Variants in CCDC85A observed in about 807,000 individuals in gnomAD.
CCDC85A encodes coiled-coil domain-containing protein 85A.
A neutral mutation model predicts 50.2 loss-of-function variants in CCDC85A; 38 were observed. That is an observed-to-expected ratio of 0.76 (90% CI 0.58 to 0.99). CCDC85A has a LOEUF of 0.99. Among genes scored for constraint, CCDC85A ranks in the 50% least tolerant of loss-of-function variants. The pLI, the probability that CCDC85A is intolerant of heterozygous loss-of-function variation, is 0.00. For synonymous variants in CCDC85A, 366 were observed against 301.4 expected, an observed-to-expected ratio of 1.21 and a Z score of -2.22; for missense variants, 820 against 742.0, an observed-to-expected ratio of 1.11 and a Z score of -1.22.
intron 1 of CCDC85A, among the ~76,000 whole-genome samples, chr2:56,188,362 A>G (rs1374010731): frequency 6.6e-6 from 1 of 152,068 alleles, no homozygotes; most frequent in African/African-American, 2.4e-5. Context: ...GTGGGCCAAT[A>G]CTCACTCCTA....
chr2:56,346,585 G>A (rs761506433), intron 3 of CCDC85A, among the ~76,000 whole-genome samples: 2 of 152,180 alleles, frequency 1.3e-5, no homozygotes, highest in Non-Finnish European at 2.9e-5. Context: ...TCACTGAGCA[G>A]TATTTTAAAC....
Position 56,372,405 on chromosome 2 carries a change from G to T in CCDC85A, c.1379G>T (p.Gly460Val). The T allele has an allele frequency of 6.2e-7, 1 of 1,605,224 alleles. No homozygotes were observed. Among genetic ancestry groups the T allele is most frequent in the Non-Finnish European group, 8.5e-7 (1 of 1,175,714 alleles). ...AGCTCAAATATGGAGAAAGGCTGGG[G>T]GTCCAGAGCCCGGCGGGTCTTGCAG... ...RNSSNMEKGW[G>V]SRARRVLQWW... Residue 460 changes from glycine (G) to valine (V), a missense_variant, in exon 4 of 6, where the codon GGG (glycine) becomes GTG (valine). By Grantham distance (109) the Gly-to-Val change is moderately radical (BLOSUM62 -3). Coordinates refer to ENST00000407595, the MANE Select transcript of CCDC85A (RefSeq NM_001080433.2).
intron 2 of CCDC85A, among the ~76,000 whole-genome samples, chr2:56,230,074 C>T (rs1000473529): frequency 6.6e-6 from 1 of 152,130 alleles, no homozygotes; most frequent in Non-Finnish European, 1.5e-5. Context: ...CAGGGGGCAA[C>T]TCATTGTCAG....
chr2:56,184,176 C>T lies in CCDC85A; in HGVS notation c.-449C>T, dbSNP rs1675886367. 2 of 987,190 alleles carry T rather than the reference C, an allele frequency of 2.0e-6. No homozygotes were observed. Among genetic ancestry groups the T allele is most frequent in the African/African-American group, 3.5e-5 (2 of 57,442 alleles). 61.2% of individuals were successfully genotyped at this position (987,190 alleles called of 1,614,324 possible). A position where few individuals can be genotyped will look rare whatever the true frequency, so the allele number is the denominator to read the frequency against. ...GCTAGGAGAGGGGAGAAGCCGGGGG[C>T]TGCAGCTGGGCAAGGGGGAGGAAAG... On this transcript the variant is annotated 5_prime_UTR_variant, in exon 1 of 6. Coordinates refer to ENST00000407595, the MANE Select transcript of CCDC85A (RefSeq NM_001080433.2).
chr2:56,323,726 G>C (rs569727814), intron 2 of CCDC85A, among the ~76,000 whole-genome samples: 20 of 152,174 alleles, frequency 1.3e-4, no homozygotes, highest in African/African-American at 3.4e-4. Flanking sequence ...GGATTGAGGA[G>C]CTGTAGCTTC....
intron 3 of CCDC85A, among the ~76,000 whole-genome samples, chr2:56,352,740 A>T (rs1486474839): frequency 2.6e-5 from 4 of 152,226 alleles, no homozygotes; most frequent in Non-Finnish European, 4.4e-5. Flanking sequence ...CATAGCAGTG[A>T]CTTTGGACTC....
Position 56,210,438 on chromosome 2 carries a change from C to A in CCDC85A, c.1240+16998C>A, listed in dbSNP as rs73940624. On this transcript the variant is annotated intron_variant, in intron 2 of 5. Coordinates refer to ENST00000407595, the MANE Select transcript of CCDC85A (RefSeq NM_001080433.2). Reference sequence around the variant, plus strand: ...GGTTTTCTATTGCCATGTGACAAACCACCTCAACACTTAGTGTTGTGAAAC... The same window carrying A: ...GGTTTTCTATTGCCATGTGACAAACAACCTCAACACTTAGTGTTGTGAAAC... 4.5e-3 allele frequency among the ~76,000 whole-genome samples: 684 copies of A among 152,094 alleles called. 6 individuals carry two copies. The highest frequency in any genetic ancestry group is 0.016 in the African/African-American group (663 of 41,520).
At chr2:56,256,338 A>G (rs1669984974) in intron 2 of CCDC85A, among the ~76,000 whole-genome samples, 4 of 152,188 alleles carry the variant, frequency 2.6e-5, no homozygotes. Context: ...AGGATGGTGT[A>G]TGAGAATTAA....
intron 2 of CCDC85A, among the ~76,000 whole-genome samples, chr2:56,227,131 C>T (rs17268688): frequency 0.02 from 3,015 of 152,148 alleles, 51 homozygotes; most frequent in South Asian, 0.047. Flanking sequence ...TTCTGAAATC[C>T]GAGAACCAAT....
chr2:56,328,981 G>A (rs1480676416), intron 2 of CCDC85A, among the ~76,000 whole-genome samples: 3 of 151,980 alleles, frequency 2.0e-5, no homozygotes, highest in Non-Finnish European at 4.4e-5. Flanking sequence ...CACCACATCC[G>A]CCCTTCCTCA....
At chr2:56,228,765 C>T (rs1367110574) in intron 2 of CCDC85A, among the ~76,000 whole-genome samples, 1 of 152,138 alleles carries the variant, frequency 6.6e-6, no homozygotes, top group South Asian at 2.1e-4. Context: ...AATCTCCTGA[C>T]CTAGTGATCC....
intron 2 of CCDC85A, among the ~76,000 whole-genome samples, chr2:56,282,238 C>T (rs1223700128): frequency 6.6e-6 from 1 of 151,834 alleles, no homozygotes; most frequent in Admixed American, 6.6e-5. Context: ...ATGTGTGGAT[C>T]TTTTTTTAGA....
intron 3 of CCDC85A, among the ~76,000 whole-genome samples, chr2:56,369,527 G>T (rs953273606): frequency 6.6e-6 from 1 of 152,138 alleles, no homozygotes; most frequent in Non-Finnish European, 1.5e-5. Context: ...GTCCATATGT[G>T]AATTCATTTG....
chr2:56,212,056 T>C (rs983661871), intron 2 of CCDC85A, among the ~76,000 whole-genome samples: 4 of 152,012 alleles, frequency 2.6e-5, no homozygotes, highest in African/African-American at 4.8e-5. Flanking sequence ...ATATCCAAAT[T>C]ACTCCCATAT....
intron 2 of CCDC85A, among the ~76,000 whole-genome samples, chr2:56,231,732 G>A (rs1390716306): frequency 6.6e-6 from 1 of 152,088 alleles, no homozygotes; most frequent in Non-Finnish European, 1.5e-5. Context: ...ATGTGTTAGT[G>A]TACATTATTA....
At chr2:56,186,924 T>A (rs1406236161) in intron 1 of CCDC85A, among the ~76,000 whole-genome samples, 3 of 152,184 alleles carry the variant, frequency 2.0e-5, no homozygotes, top group Non-Finnish European at 4.4e-5. Flanking sequence ...CCTTATCAAG[T>A]TCAGAAATGA....
chr2:56,213,359 C>G (rs1558587037), intron 2 of CCDC85A, among the ~76,000 whole-genome samples: 1 of 151,982 alleles, frequency 6.6e-6, no homozygotes, highest in Non-Finnish European at 1.5e-5. Flanking sequence ...TCAAATTAAT[C>G]TGTATTATCT....
At chr2:56,306,436 T>C (rs1314071546) in intron 2 of CCDC85A, among the ~76,000 whole-genome samples, 1 of 152,152 alleles carries the variant, frequency 6.6e-6, no homozygotes, top group Non-Finnish European at 1.5e-5. Flanking sequence ...CCCAGATCTT[T>C]TTAAACAACA....
chr2:56,229,753 A>T (rs1021641966), intron 2 of CCDC85A, among the ~76,000 whole-genome samples: 1 of 152,192 alleles, frequency 6.6e-6, no homozygotes, highest in African/African-American at 2.4e-5. Context: ...TGAATGAATC[A>T]TGAAAAATGA....
Sources: gnomAD v4.1 joint callset for allele counts (sites outside exome capture counted in the v4.1 genomes callset) on GRCh38, gnomAD v4.1.1 for gene constraint, MANE v1.5 for transcripts, NCBI Gene and HGNC (gene_info 2026-07-23, HGNC 2026-07-21) for gene names.